The following RMND5B variants were observed in gnomAD, a reference collection of about 807,000 sequenced individuals.
RMND5B encodes the protein E3 ubiquitin-protein transferase RMND5B.
RMND5B carries 42 observed loss-of-function variants against 50.4 expected under a neutral mutation model. The observed-to-expected ratio is 0.83, with a 90% CI of 0.65 to 1.08. The LOEUF (loss-of-function observed/expected upper bound fraction) is 1.08. RMND5B is among the 50% of genes least tolerant of loss of function. The pLI is 0.00. For synonymous variants in RMND5B, 220 were observed against 210.0 expected, an observed-to-expected ratio of 1.05 and a Z score of -0.41; for missense variants, 463 against 508.5, an observed-to-expected ratio of 0.91 and a Z score of 0.86.
In RMND5B at chr5:178,149,916, C is replaced by T. The variant is rs1483775794; in HGVS notation, c.*1884C>T. On this transcript the variant is annotated 3_prime_UTR_variant, in exon 11 of 11. Coordinates refer to ENST00000313386, the MANE Select transcript of RMND5B (RefSeq NM_022762.5). Reference sequence around the variant, plus strand: ...CAGGAAGTCACCAACTGATGACCCACCAGCCTAATCTGGCCCACAACCATG... The same window carrying T: ...CAGGAAGTCACCAACTGATGACCCATCAGCCTAATCTGGCCCACAACCATG... 13 of 1,507,740 alleles carry T rather than the reference C, an allele frequency of 8.6e-6. No homozygotes were observed. Among genetic ancestry groups the T allele is most frequent in the South Asian group, 2.4e-5 (2 of 84,318 alleles). The allele number at this position is 1,507,740 out of a possible 1,614,324, so 93.4% of individuals were successfully genotyped here.
Position 178,148,104 on chromosome 5 carries a change from C to A in RMND5B, c.*72C>A. On this transcript the variant is annotated 3_prime_UTR_variant, in exon 11 of 11. Transcript: ENST00000313386. ...CCTTGGTCTGTCTCGGTAGGGTGGT[C>A]AACTTCAGTGGACTGTGGTTGGTTT... The A allele has an allele frequency of 1.4e-6, 2 of 1,464,854 alleles. No individual in the cohort carries two copies. The highest frequency in any genetic ancestry group is 1.1e-5 in the South Asian group (1 of 87,730). 90.7% of individuals were successfully genotyped at this position (1,464,854 alleles called of 1,614,324 possible).
intron 3 of RMND5B, among the ~76,000 whole-genome samples, chr5:178,140,125 G>A (rs1014101472): frequency 6.6e-6 from 1 of 152,142 alleles, no homozygotes; most frequent in Non-Finnish European, 1.5e-5. Flanking sequence ...TTGTTTCTCA[G>A]TGCATCACAC....
chr5:178,141,237 C>T (rs1425396574), intron 3 of RMND5B: 1 of 152,164 alleles, frequency 6.6e-6, no homozygotes, highest in Non-Finnish European at 1.5e-5. Flanking sequence ...GGTGCAGTGG[C>T]TCATGCCTGT....
In RMND5B at chr5:178,149,855, A is replaced by G; in HGVS notation, c.*1823A>G. 1 of 1,612,774 alleles carries G rather than the reference A, an allele frequency of 6.2e-7. No homozygotes were observed. On this transcript the variant is annotated 3_prime_UTR_variant, in exon 11 of 11. Coordinates refer to ENST00000313386, the MANE Select transcript of RMND5B (RefSeq NM_022762.5). ...ACCCAGGTCCTACAGAGGGGAAAGA[A>G]GTGCTGTTTGGAAAAAAGCTGTACA... is the stretch of plus-strand genomic sequence containing the variant.
Position 178,138,455 on chromosome 5 carries a change from T to TGATTCCC in RMND5B, c.139+198_139+204dup, listed in dbSNP as rs1225943157. The stretch of plus-strand genomic sequence containing the variant: ...CAACAAATTATTAATTTACCTGAGA[T>TGATTCCC]GATTCCCATTTACATTTTGTTTTCA... On this transcript the variant is annotated intron_variant, in intron 3 of 10. Transcript: ENST00000313386. This position sits in a 1 kb window ranked among gnomAD's most constrained non-coding sequence, Gnocchi z 5.1. 2.2e-6 allele frequency: 3 copies of TGATTCCC among 1,340,976 alleles called. No individual in the cohort carries two copies. The highest frequency in any genetic ancestry group is 2.9e-6 in the Non-Finnish European group (3 of 1,034,664). The allele number at this position is 1,340,976 out of a possible 1,614,324, so 83.1% of individuals were successfully genotyped here.
Position 178,149,461 on chromosome 5 carries a change from C to T in RMND5B, c.*1429C>T, listed in dbSNP as rs369679601. On this transcript the variant is annotated 3_prime_UTR_variant, in exon 11 of 11. Transcript: ENST00000313386. ...TAAGAAAACACCCACAGACTCACCA[C>T]ATTTTAGTCTTAGCATTTACTTTCC... The T allele has an allele frequency of 4.2e-4, 197 of 466,174 alleles. No homozygotes were observed. The highest frequency in any genetic ancestry group is 5.9e-4 in the Non-Finnish European group (147 of 250,494). 28.9% of individuals were successfully genotyped at this position (466,174 alleles called of 1,614,324 possible).
At chr5:178,141,773 A>G (rs897452906) in intron 3 of RMND5B, 7 of 152,252 alleles carry the variant, frequency 4.6e-5, no homozygotes, top group African/African-American at 1.4e-4. Flanking sequence ...GAGTTGTACA[A>G]TCTTCACCAC....
At chr5:178,145,512 C>A (rs371577095) in intron 7 of RMND5B, among the ~76,000 whole-genome samples, 62 of 150,124 alleles carry the variant, frequency 4.1e-4, no homozygotes, top group Middle Eastern at 3.5e-3. Context: ...AAAAAACACA[C>A]AAAAAACACA....
At chr5:178,134,413 A>T (rs952952482) in intron 2 of RMND5B, among the ~76,000 whole-genome samples, 2 of 152,186 alleles carry the variant, frequency 1.3e-5, no homozygotes, top group Non-Finnish European at 2.9e-5. Context: ...AGGATCTGCT[A>T]TGTGTTTCGG....
Position 178,138,543 on chromosome 5 carries a change from G to GTA in RMND5B, c.139+286_139+287insAT. On this transcript the variant is annotated intron_variant, in intron 3 of 10. Coordinates refer to ENST00000313386, the MANE Select transcript of RMND5B (RefSeq NM_022762.5). This position sits in a 1 kb window ranked among gnomAD's most constrained non-coding sequence, Gnocchi z 5.1. Reference sequence around the variant, plus strand: ...ATTGTGTGTGTGTGTGTGTGTGTGTGTGTGTAGAAACAGTGTCTTTGTTGC... The same window carrying GTA: ...ATTGTGTGTGTGTGTGTGTGTGTGTGTATGTGTAGAAACAGTGTCTTTGTTGC... 1.7e-6 allele frequency: 1 copy of GTA among 584,420 alleles called. No homozygotes were observed. The highest frequency in any genetic ancestry group is 6.7e-5 in the East Asian group (1 of 14,948). 36.2% of individuals were successfully genotyped at this position (584,420 alleles called of 1,614,324 possible). A position where few individuals can be genotyped will look rare whatever the true frequency, so the allele number is the denominator to read the frequency against.
intron 2 of RMND5B, among the ~76,000 whole-genome samples, chr5:178,131,647 T>C (rs1164911607): frequency 6.6e-6 from 1 of 151,084 alleles, no homozygotes; most frequent in Non-Finnish European, 1.5e-5. Flanking sequence ...GGGGTCAGTA[T>C]TAGATACTGT....
rs1044065548 is a variant in RMND5B, at chr5:178,138,874, G to A, written c.139+616G>A. Among the ~76,000 whole-genome samples the A allele has an allele frequency of 3.3e-5, 5 of 152,184 alleles. No individual in the cohort carries two copies. The highest frequency in any genetic ancestry group is 3.4e-3 in the Middle Eastern group (1 of 294). ...CAGTGTGTATGTCCTAAAATCAAGG[G>A]CATTCTCTTACATAAAAACAGCGTA... On this transcript the variant is annotated intron_variant, in intron 3 of 10. Transcript: ENST00000313386. The surrounding 1 kb of genome is among the most constrained non-coding windows in gnomAD (Gnocchi z 5.1).
At chr5:178,143,595 A>G in intron 5 of RMND5B, 32 bp from the exon 6 acceptor site, 1 of 1,489,492 alleles carries the variant, frequency 6.7e-7, no homozygotes, top group Middle Eastern at 1.7e-4. Flanking sequence ...ACCATCTTCC[A>G]GTGGTGGGAT....
intron 3 of RMND5B, among the ~76,000 whole-genome samples, chr5:178,139,122 C>G (rs934810159): frequency 2.0e-5 from 3 of 151,952 alleles, no homozygotes; most frequent in Non-Finnish European, 4.4e-5. Context: ...GGCAACAGAG[C>G]AAGACTCGTC....
At chr5:178,135,991 A>G (rs1561630792) in intron 2 of RMND5B, 1 of 152,162 alleles carries the variant, frequency 6.6e-6, no homozygotes, top group African/African-American at 2.4e-5. Context: ...CACTCATTCC[A>G]ACACAGATAT....
In RMND5B at chr5:178,149,648, G is replaced by A. The variant is rs1303374953; in HGVS notation, c.*1616G>A. The A allele has an allele frequency of 1.9e-6, 3 of 1,604,982 alleles. No homozygotes were observed. In the East Asian group the frequency reaches 6.7e-5, roughly 36 times the overall value. ...GTCAGTGTGGGTGGGCAGGAGGACA[G>A]CCAGTCGTCCTGCTGCCAGCCCAAT... is the stretch of plus-strand genomic sequence containing the variant. On this transcript the variant is annotated 3_prime_UTR_variant, in exon 11 of 11. Coordinates refer to ENST00000313386, the MANE Select transcript of RMND5B (RefSeq NM_022762.5).
chr5:178,142,901 C>T lies in RMND5B; in HGVS notation c.335C>T (p.Ala112Val), dbSNP rs540617071. 2.7e-5 allele frequency: 44 copies of T among 1,614,228 alleles called. No homozygotes were observed. Among genetic ancestry groups the T allele is most frequent in the South Asian group, 4.4e-5 (4 of 91,090 alleles). ...CGVVSDAVWD[A>V]REQQQQILQM... ...GTTGTGTCAGATGCGGTGTGGGACG[C>T]GCGGGAACAGCAGCAGCAGATCCTG... Residue 112 changes from alanine to valine, a missense_variant, in exon 5 of 11, where the codon GCG (alanine) becomes GTG (valine). Coordinates refer to ENST00000313386, the MANE Select transcript of RMND5B (RefSeq NM_022762.5).
At chr5:178,139,949 C>T in intron 3 of RMND5B, among the ~76,000 whole-genome samples, 1 of 152,196 alleles carries the variant, frequency 6.6e-6, no homozygotes, top group South Asian at 2.1e-4. Flanking sequence ...CTAATCTTTA[C>T]TTTTTTTAAT....
At position 178,138,101 on chromosome 5, in the gene RMND5B, T is replaced by G; in HGVS notation, c.-12-7T>G. The G allele has an allele frequency of 6.4e-7, 1 of 1,572,618 alleles. No homozygotes were observed. Among genetic ancestry groups the G allele is most frequent in the Non-Finnish European group, 8.6e-7 (1 of 1,159,648 alleles). On this transcript the variant is annotated splice_polypyrimidine_tract_variant and splice_region_variant and intron_variant, in intron 2 of 10. Coordinates refer to ENST00000313386, the MANE Select transcript of RMND5B (RefSeq NM_022762.5). The surrounding 1 kb of genome is among the most constrained non-coding windows in gnomAD (Gnocchi z 5.1). ...AGATGGGGCCTGACCCAGCTGACCCTCCCCAGGCTGAGGCCACCATGGAGC... is the reference window on the plus strand; with the variant it reads ...AGATGGGGCCTGACCCAGCTGACCCGCCCCAGGCTGAGGCCACCATGGAGC...
Sources: gnomAD v4.1 joint callset for allele counts (sites outside exome capture counted in the v4.1 genomes callset) on GRCh38, gnomAD v4.1.1 for gene constraint, Gnocchi (gnomAD v3.1) non-coding constraint, MANE v1.5 for transcripts, NCBI Gene and HGNC (gene_info 2026-07-23, HGNC 2026-07-21) for gene names.